The following ZNF804B variants were observed in gnomAD, a reference collection of about 807,000 sequenced individuals.
ZNF804B encodes the protein zinc finger 804B.
Under a neutral mutation model 101.4 loss-of-function variants are expected in ZNF804B, and 80 were observed. That is an observed-to-expected ratio of 0.79 (90% CI 0.66 to 0.95). The LOEUF (loss-of-function observed/expected upper bound fraction) is 0.95, where lower values mean the gene tolerates loss of function less well. ZNF804B is among the 40% of genes least tolerant of loss of function. ZNF804B has a pLI of 0.00. For missense variants in ZNF804B, 1,673 were observed against 1,561.9 expected (o/e 1.07, Z -1.20); for synonymous variants, 622 against 558.8 (o/e 1.11, Z -1.59).
At chr7:89,297,990 T>C (rs1348668688) in intron 2 of ZNF804B, among the ~76,000 whole-genome samples, 1 of 149,592 alleles carries the variant, frequency 6.7e-6, no homozygotes, top group African/African-American at 2.4e-5. Context: ...TTAATTTTTT[T>C]TTTTTTTTAG....
intron 2 of ZNF804B, among the ~76,000 whole-genome samples, chr7:89,292,690 G>A (rs1308598220): frequency 2.1e-5 from 3 of 146,126 alleles, no homozygotes; most frequent in Non-Finnish European, 4.6e-5. Context: ...AATGGCACTA[G>A]TGAATCCTTA....
intron 2 of ZNF804B, among the ~76,000 whole-genome samples, chr7:89,249,202 G>A (rs1296130141): frequency 6.6e-6 from 1 of 151,994 alleles, no homozygotes; most frequent in Non-Finnish European, 1.5e-5. Flanking sequence ...TAACAGTGGG[G>A]GACTTGAACA....
At chr7:88,893,075 G>A (rs1457320713) in intron 1 of ZNF804B, among the ~76,000 whole-genome samples, 1 of 152,046 alleles carries the variant, frequency 6.6e-6, no homozygotes, top group East Asian at 1.9e-4. Flanking sequence ...ATTTGCTGAG[G>A]TTCCAGATTT....
At chr7:88,777,257 T>C (rs1322586395) in intron 1 of ZNF804B, among the ~76,000 whole-genome samples, 1 of 152,192 alleles carries the variant, frequency 6.6e-6, no homozygotes, top group Non-Finnish European at 1.5e-5. Context: ...GTGCTGATTC[T>C]GCCACCGCCA....
At chr7:88,798,245 T>C (rs2047904933) in intron 1 of ZNF804B, among the ~76,000 whole-genome samples, 1 of 152,078 alleles carries the variant, frequency 6.6e-6, no homozygotes, top group African/African-American at 2.4e-5. Context: ...CATGTGTGCT[T>C]TTTGTTTTCC....
At chr7:88,922,069 A>C (rs1396896370) in intron 1 of ZNF804B, among the ~76,000 whole-genome samples, 1 of 152,064 alleles carries the variant, frequency 6.6e-6, no homozygotes, top group Non-Finnish European at 1.5e-5. Flanking sequence ...ATGACTCAAG[A>C]TTATGGCACA....
chr7:88,767,698 A>G (rs1790005505), intron 1 of ZNF804B, among the ~76,000 whole-genome samples: 1 of 152,220 alleles, frequency 6.6e-6, no homozygotes, highest in South Asian at 2.1e-4. Context: ...AAATCCTTGA[A>G]TAATATTTTA....
intron 2 of ZNF804B, among the ~76,000 whole-genome samples, chr7:89,301,319 C>T (rs1037905809): frequency 4.0e-5 from 6 of 149,268 alleles, no homozygotes; most frequent in African/African-American, 1.5e-4. Flanking sequence ...AATAAAGTGG[C>T]CTGCAGTCGT....
intron 1 of ZNF804B, among the ~76,000 whole-genome samples, chr7:88,987,667 A>C (rs1793777746): frequency 6.6e-6 from 1 of 152,050 alleles, no homozygotes; most frequent in African/African-American, 2.4e-5. Context: ...GGTACATTTG[A>C]TATTTTGATA....
At chr7:88,993,204 T>C (rs1470464706) in intron 1 of ZNF804B, among the ~76,000 whole-genome samples, 1 of 152,044 alleles carries the variant, frequency 6.6e-6, no homozygotes, top group Non-Finnish European at 1.5e-5. Flanking sequence ...TTTGGAATAT[T>C]GTTATATCCA....
chr7:89,016,951 A>G (rs927392716), intron 1 of ZNF804B, among the ~76,000 whole-genome samples: 20 of 152,268 alleles, frequency 1.3e-4, no homozygotes, highest in African/African-American at 4.8e-4. Context: ...CACGATATTG[A>G]TTCTTCCTAC....
At chr7:89,279,729 T>G (rs1790050615) in intron 2 of ZNF804B, among the ~76,000 whole-genome samples, 1 of 152,112 alleles carries the variant, frequency 6.6e-6, no homozygotes. Context: ...GTAAGCTTTT[T>G]GATGTGCTGC....
chr7:89,126,427 A>G (rs76572011), intron 1 of ZNF804B, among the ~76,000 whole-genome samples: 2,157 of 152,084 alleles, frequency 0.014, 54 homozygotes, highest in African/African-American at 0.049. Flanking sequence ...TCAATCTCCA[A>G]TCAATACACA....
chr7:89,215,800 C>G (rs1052815663), intron 1 of ZNF804B, among the ~76,000 whole-genome samples: 1 of 151,596 alleles, frequency 6.6e-6, no homozygotes, highest in Non-Finnish European at 1.5e-5. Flanking sequence ...AGGAGAATGG[C>G]GTGAAAACGG....
intron 1 of ZNF804B, among the ~76,000 whole-genome samples, chr7:88,773,653 A>G (rs1586896830): frequency 6.6e-6 from 1 of 152,180 alleles, no homozygotes; most frequent in Non-Finnish European, 1.5e-5. Context: ...TAAAGAAAAC[A>G]GATTTAATTG....
In ZNF804B at chr7:89,236,781, T is replaced by G. The variant is rs112945695; in HGVS notation, c.249+18486T>G. Among the ~76,000 whole-genome samples, 1,212 of 152,256 alleles carry G rather than the reference T, an allele frequency of 8.0e-3. 19 individuals are homozygous for G. Among genetic ancestry groups the G allele is most frequent in the African/African-American group, 0.028 (1,154 of 41,572 alleles). On this transcript the variant is annotated intron_variant, in intron 2 of 3. Coordinates refer to ENST00000333190, the MANE Select transcript of ZNF804B (RefSeq NM_181646.5). ...AATGAACATGGCTCATCTCGCTGTA[T>G]TCTTTTTGCAATTCCATAAAAATAT...
intron 1 of ZNF804B, among the ~76,000 whole-genome samples, chr7:88,974,690 T>A (rs763794950): frequency 5.9e-5 from 9 of 151,378 alleles, no homozygotes; most frequent in Non-Finnish European, 1.3e-4. Context: ...TACATATTTA[T>A]AGGGTACATG....
intron 1 of ZNF804B, among the ~76,000 whole-genome samples, chr7:89,039,571 GT>G (rs974210964): frequency 1.9e-4 from 29 of 150,848 alleles, no homozygotes; most frequent in African/African-American, 6.6e-4. Context: ...TATTCTCACA[GT>G]TTTTTTTGGT....
chr7:89,140,653 C>T (rs1026163533), intron 1 of ZNF804B, among the ~76,000 whole-genome samples: 2 of 152,056 alleles, frequency 1.3e-5, no homozygotes, highest in African/African-American at 2.4e-5. Context: ...GATTCCTTAC[C>T]TCCCTCAGCC....
Sources: gnomAD v4.1 joint callset for allele counts (sites outside exome capture counted in the v4.1 genomes callset) on GRCh38, gnomAD v4.1.1 for gene constraint, MANE v1.5 for transcripts, NCBI Gene and HGNC (gene_info 2026-07-23, HGNC 2026-07-21) for gene names.